PRKCB: variants seen among roughly 807,000 people sequenced by gnomAD.
The protein encoded by PRKCB is protein kinase C beta type.
A neutral mutation model predicts 81.5 loss-of-function variants in PRKCB; 13 were observed. That is an observed-to-expected ratio of 0.16 (90% CI 0.10 to 0.25). The LOEUF is 0.25. Among genes scored for constraint, PRKCB ranks in the 10% least tolerant of loss-of-function variants. The pLI is 1.00. For synonymous variants in PRKCB, 335 were observed against 321.4 expected, an observed-to-expected ratio of 1.04 and a Z score of -0.45; for missense variants, 509 against 875.7, an observed-to-expected ratio of 0.58 and a Z score of 5.29.
chr16:24,209,582 C>T (rs567924396), intron 16 of PRKCB, among the ~76,000 whole-genome samples: 10 of 152,274 alleles, frequency 6.6e-5, no homozygotes, highest in Non-Finnish European at 1.5e-4. Context: ...TGCCTCTCTT[C>T]CTCACATACC....
chr16:24,041,098 G>A (rs978774148), intron 5 of PRKCB, among the ~76,000 whole-genome samples: 3 of 149,320 alleles, frequency 2.0e-5, no homozygotes, highest in African/African-American at 7.4e-5. Context: ...CACCCAGGCT[G>A]GAGTGCAGTG....
intron 10 of PRKCB, among the ~76,000 whole-genome samples, chr16:24,161,217 C>G (rs575125211): frequency 2.0e-5 from 3 of 151,872 alleles, no homozygotes; most frequent in African/African-American, 7.3e-5. Flanking sequence ...GATGTAAATT[C>G]GATTTTTAAA....
chr16:24,105,049 T>C (rs1433694352), intron 7 of PRKCB, among the ~76,000 whole-genome samples: 2 of 126,082 alleles, frequency 1.6e-5, no homozygotes, highest in Non-Finnish European at 3.3e-5. Context: ...AGCGGCACGT[T>C]GTTGGATTTT....
At chr16:23,922,689 A>G (rs1597247242) in intron 2 of PRKCB, among the ~76,000 whole-genome samples, 3 of 152,346 alleles carry the variant, frequency 2.0e-5, no homozygotes, top group South Asian at 2.1e-4. Flanking sequence ...CTTTGCTTTG[A>G]CAACACATTT....
intron 2 of PRKCB, among the ~76,000 whole-genome samples, chr16:23,839,462 G>A (rs1461089368): frequency 6.6e-6 from 1 of 152,098 alleles, no homozygotes; most frequent in Non-Finnish European, 1.5e-5. Flanking sequence ...CTTTTGTAGA[G>A]AAGGGGTCTT....
At chr16:23,967,722 G>A (rs1455653800) in intron 2 of PRKCB, among the ~76,000 whole-genome samples, 7 of 151,642 alleles carry the variant, frequency 4.6e-5, no homozygotes, top group African/African-American at 9.7e-5. Context: ...GCACAACCCC[G>A]GCCCACTGCA....
At chr16:24,195,220 C>T (rs1268134815) in intron 16 of PRKCB, among the ~76,000 whole-genome samples, 2 of 148,542 alleles carry the variant, frequency 1.3e-5, no homozygotes, top group Admixed American at 1.3e-4. Flanking sequence ...AAAAAAGATA[C>T]ATCACCTACC....
chr16:23,860,185 G>A (rs1488176452), intron 2 of PRKCB, among the ~76,000 whole-genome samples: 1 of 152,106 alleles, frequency 6.6e-6, no homozygotes, highest in Non-Finnish European at 1.5e-5. Context: ...GAGTTGTCAG[G>A]ATCAAATATG....
In PRKCB at chr16:24,101,127, G is replaced by T. The variant is rs560464040; in HGVS notation, c.821+6830G>T. Among the ~76,000 whole-genome samples, 3 of 152,306 alleles carry T rather than the reference G, an allele frequency of 2.0e-5. No individual in the cohort carries two copies. The South Asian group carries it at 6.2e-4, about 32-fold the overall frequency. ...GAGATCCTGAATCTTGTGACCTCTGGCTACATGTCTCTGGAGCCAGAATTC... is the reference window on the plus strand; with the variant it reads ...GAGATCCTGAATCTTGTGACCTCTGTCTACATGTCTCTGGAGCCAGAATTC... On this transcript the variant is annotated intron_variant, in intron 7 of 16. Coordinates refer to ENST00000643927, the MANE Select transcript of PRKCB (RefSeq NM_002738.7).
At chr16:23,944,798 A>T (rs1964184022) in intron 2 of PRKCB, among the ~76,000 whole-genome samples, 1 of 152,230 alleles carries the variant, frequency 6.6e-6, no homozygotes, top group Non-Finnish European at 1.5e-5. Flanking sequence ...GTGCAGCCCT[A>T]GGTCAATCTT....
At position 24,214,804 on chromosome 16, in the gene PRKCB, A is replaced by C; in HGVS notation, c.2010A>C (p.Glu670Asp). The change falls in exon 17 of 17, where the codon GAA (glutamate) becomes GAC (aspartate). Residue 670 changes from glutamate (E) to aspartate (D), a missense_variant. Transcript: ENST00000643927. The stretch of plus-strand genomic sequence containing the variant: ...TTAACTCTGAATTTTTAAAACCCGA[A>C]GTCAAGAGCTAAGTAGATGTGTAGA... ...SFVNSEFLKP[E>D]VKS 6.2e-7 allele frequency: 1 copy of C among 1,614,100 alleles called. No individual in the cohort carries two copies. Among genetic ancestry groups the C allele is most frequent in the Non-Finnish European group, 8.5e-7 (1 of 1,180,000 alleles).
chr16:24,213,865 T>C (rs561945057), intron 16 of PRKCB, among the ~76,000 whole-genome samples: 1 of 152,342 alleles, frequency 6.6e-6, no homozygotes, highest in Non-Finnish European at 1.5e-5. Context: ...CTTTTTAATA[T>C]AGAAACACCA....
chr16:23,902,989 C>CTTTT (rs71988386), intron 2 of PRKCB, among the ~76,000 whole-genome samples: 3 of 139,066 alleles, frequency 2.2e-5, no homozygotes, highest in Admixed American at 7.1e-5. Context: ...TTTTTCTTTT[C>CTTTT]TTTTTTTTTT....
intron 2 of PRKCB, among the ~76,000 whole-genome samples, chr16:23,867,287 T>A (rs1019101975): frequency 5.3e-5 from 8 of 151,892 alleles, no homozygotes; most frequent in African/African-American, 1.9e-4. Context: ...CCTGGCTGAT[T>A]TTTTTTGTAT....
At chr16:24,135,141 TG>T (rs1268953306) in intron 9 of PRKCB, among the ~76,000 whole-genome samples, 1 of 151,502 alleles carries the variant, frequency 6.6e-6, no homozygotes, top group Non-Finnish European at 1.5e-5. Flanking sequence ...GCACTGTGCC[TG>T]GTGGGTTTTG....
intron 7 of PRKCB, among the ~76,000 whole-genome samples, chr16:24,109,899 G>A (rs1336031672): frequency 7.8e-6 from 1 of 127,544 alleles, no homozygotes; most frequent in African/African-American, 3.7e-5. Context: ...GCGGTTAGGG[G>A]CTGGAGACCG....
chr16:24,007,661 A>G (rs1333073368), intron 3 of PRKCB, among the ~76,000 whole-genome samples: 1 of 152,246 alleles, frequency 6.6e-6, no homozygotes, highest in African/African-American at 2.4e-5. Context: ...CCAACCGTGC[A>G]CAGAGAGGCG....
intron 3 of PRKCB, among the ~76,000 whole-genome samples, chr16:24,005,957 C>A (rs1012277322): frequency 2.6e-5 from 4 of 152,206 alleles, no homozygotes; most frequent in African/African-American, 9.6e-5. Flanking sequence ...GGTTGAACAT[C>A]TCTCTTGGGA....
At chr16:24,175,102 G>A (rs1452148161) in intron 12 of PRKCB, among the ~76,000 whole-genome samples, 1 of 152,116 alleles carries the variant, frequency 6.6e-6, no homozygotes, top group African/African-American at 2.4e-5. Context: ...ATAGCTGCAT[G>A]AGTCATACCA....
Sources: gnomAD v4.1 joint callset for allele counts (sites outside exome capture counted in the v4.1 genomes callset) on GRCh38, gnomAD v4.1.1 for gene constraint, MANE v1.5 for transcripts, NCBI Gene and HGNC (gene_info 2026-07-23, HGNC 2026-07-21) for gene names.